Variants in PCDH9 observed in about 807,000 individuals in gnomAD.
The protein encoded by PCDH9 is protocadherin 9, also known as protocadherin-9.
PCDH9 carries 24 observed loss-of-function variants against 70.6 expected under a neutral mutation model. That is an observed-to-expected ratio of 0.34 (90% CI 0.25 to 0.48). The LOEUF is 0.48. Ranked by LOEUF, PCDH9 falls within the 20% of genes least tolerant of loss-of-function variation. PCDH9 has a pLI of 0.99. For synonymous variants in PCDH9, 562 were observed against 558.5 expected (o/e 1.01, Z -0.09); for missense variants, 1,281 against 1,503.6 (o/e 0.85, Z 2.45).
chr13:67,193,136 A>G (rs1164595547), intron 2 of PCDH9, among the ~76,000 whole-genome samples: 3 of 152,186 alleles, frequency 2.0e-5, no homozygotes, highest in African/African-American at 4.8e-5. Flanking sequence ...TTGGAACCCA[A>G]TAAATATCCA....
intron 3 of PCDH9, among the ~76,000 whole-genome samples, chr13:66,671,206 T>G (rs187757772): frequency 2.0e-4 from 30 of 152,310 alleles, no homozygotes; most frequent in African/African-American, 7.2e-4. Flanking sequence ...TCCCCAGCCA[T>G]GTGGAACTGT....
At chr13:66,734,359 C>T (rs1458291954) in intron 3 of PCDH9, among the ~76,000 whole-genome samples, 1 of 152,136 alleles carries the variant, frequency 6.6e-6, no homozygotes, top group Non-Finnish European at 1.5e-5. Context: ...CTAGATTCAG[C>T]TCTATGCATT....
intron 2 of PCDH9, among the ~76,000 whole-genome samples, chr13:67,067,379 T>C (rs1378370429): frequency 2.6e-5 from 4 of 152,168 alleles, no homozygotes; most frequent in Non-Finnish European, 5.9e-5. Context: ...CATTTTGATA[T>C]GTAATCTATA....
rs553895130 is a variant in PCDH9, at chr13:66,304,021, A to G, written c.*634T>C. 6.6e-6 allele frequency: 1 copy of G among 152,622 alleles called. No individual in the cohort carries two copies. The highest frequency in any genetic ancestry group is 1.9e-4 in the East Asian group (1 of 5,172). The allele number at this position is 152,622 out of a possible 1,614,324, so 9.5% of individuals were successfully genotyped here. Reference sequence around the variant, plus strand: ...CAAAAATAACAACAAAGAGGTAAATAAAAAGAAGGACAGAAGCAACCATAA... The same window carrying G: ...CAAAAATAACAACAAAGAGGTAAATGAAAAGAAGGACAGAAGCAACCATAA... On this transcript the variant is annotated 3_prime_UTR_variant, in exon 5 of 5. Transcript: ENST00000377865.
At chr13:67,180,493 C>A (rs2088587060) in intron 2 of PCDH9, among the ~76,000 whole-genome samples, 1 of 152,136 alleles carries the variant, frequency 6.6e-6, no homozygotes, top group African/African-American at 2.4e-5. Context: ...CTCCAGGAGT[C>A]ACTTGTATTA....
intron 2 of PCDH9, among the ~76,000 whole-genome samples, chr13:67,182,021 A>G (rs1161419390): frequency 1.3e-5 from 2 of 152,054 alleles, no homozygotes; most frequent in Non-Finnish European, 2.9e-5. Flanking sequence ...CTGCCTCTGA[A>G]TGTGGGCATG....
At chr13:66,486,297 G>A (rs1173610577) in intron 4 of PCDH9, among the ~76,000 whole-genome samples, 3 of 151,328 alleles carry the variant, frequency 2.0e-5, no homozygotes, top group Non-Finnish European at 4.4e-5. Flanking sequence ...AGAACAATTA[G>A]CTAGGCATGG....
chr13:66,326,411 A>C (rs1247058103), intron 4 of PCDH9, among the ~76,000 whole-genome samples: 7 of 151,416 alleles, frequency 4.6e-5, no homozygotes, highest in South Asian at 4.2e-4. Context: ...AAAAAAAAAA[A>C]AACAACGAAA....
intron 2 of PCDH9, among the ~76,000 whole-genome samples, chr13:66,997,600 T>A (rs2084146496): frequency 6.6e-6 from 1 of 152,168 alleles, no homozygotes; most frequent in Non-Finnish European, 1.5e-5. Flanking sequence ...AGTGGCACAA[T>A]CTTGGCTCAC....
intron 3 of PCDH9, among the ~76,000 whole-genome samples, chr13:66,816,417 C>T (rs564157805): frequency 2.2e-4 from 34 of 152,176 alleles, no homozygotes; most frequent in Middle Eastern, 3.4e-3. Flanking sequence ...AATATGGGTA[C>T]GCACACAAGT....
chr13:66,720,160 TA>T (rs1593949489), intron 3 of PCDH9, among the ~76,000 whole-genome samples: 2 of 147,056 alleles, frequency 1.4e-5, no homozygotes, highest in African/African-American at 5.1e-5. Context: ...TTTTTATTTT[TA>T]TTTTTTTTTG....
At chr13:67,110,792 G>C (rs1402789569) in intron 2 of PCDH9, among the ~76,000 whole-genome samples, 1 of 152,164 alleles carries the variant, frequency 6.6e-6, no homozygotes, top group African/African-American at 2.4e-5. Context: ...TTATCTCTCT[G>C]AGTCTAGGCT....
intron 2 of PCDH9, among the ~76,000 whole-genome samples, chr13:67,162,682 A>G (rs1326567549): frequency 6.6e-6 from 1 of 152,232 alleles, no homozygotes; most frequent in Non-Finnish European, 1.5e-5. Context: ...GAAGGAAGAT[A>G]AGGTGCTTCA....
chr13:66,688,007 G>T (rs977776045), intron 3 of PCDH9, among the ~76,000 whole-genome samples: 5 of 151,968 alleles, frequency 3.3e-5, no homozygotes, highest in Admixed American at 2.0e-4. Context: ...TCTCCTTAAT[G>T]GTTTTTTGTC....
At chr13:67,162,975 G>A (rs1223608325) in intron 2 of PCDH9, among the ~76,000 whole-genome samples, 1 of 152,056 alleles carries the variant, frequency 6.6e-6, no homozygotes, top group African/African-American at 2.4e-5. Flanking sequence ...CTTTATTTGC[G>A]ATCCAGTTCT....
At chr13:66,845,011 AG>A (rs1326998194) in intron 3 of PCDH9, among the ~76,000 whole-genome samples, 2 of 151,918 alleles carry the variant, frequency 1.3e-5, no homozygotes, top group African/African-American at 4.8e-5. Flanking sequence ...CGGGTTTCAG[AG>A]GGGAAAAGTG....
chr13:67,074,998 C>T (rs2085849704), intron 2 of PCDH9, among the ~76,000 whole-genome samples: 1 of 151,624 alleles, frequency 6.6e-6, no homozygotes. Flanking sequence ...TAGGTGCCAT[C>T]TGTTGTCCCA....
intron 2 of PCDH9, chr13:67,214,935 G>GATATAGATATATATATATATAT (rs2089556792): frequency 1.1e-5 from 1 of 89,248 alleles, no homozygotes; most frequent in Non-Finnish European, 2.4e-5. Flanking sequence ...TTGCGAGCCA[G>GATATAGATATATATATATATAT]ATATATATAT....
intron 3 of PCDH9, among the ~76,000 whole-genome samples, chr13:66,836,813 CT>C: frequency 6.6e-6 from 1 of 152,214 alleles, no homozygotes; most frequent in East Asian, 1.9e-4. Flanking sequence ...GTCAGATTTT[CT>C]TTTCTTGAAT....
Sources: allele counts gnomAD v4.1 joint callset (sites outside exome capture counted in the v4.1 genomes callset), GRCh38; gene constraint gnomAD v4.1.1; transcripts MANE v1.5; gene names NCBI Gene and HGNC (gene_info 2026-07-23, HGNC 2026-07-21).